The following CSMD3 variants were observed in gnomAD, a reference collection of about 807,000 sequenced individuals.
CSMD3 encodes CUB and sushi domain-containing protein 3.
A neutral mutation model predicts 435.2 loss-of-function variants in CSMD3; 177 were observed. That is an observed-to-expected ratio of 0.41 (90% confidence interval 0.36 to 0.46). CSMD3 has a LOEUF of 0.46. CSMD3 is among the 20% of genes least tolerant of loss of function. The pLI, the probability that CSMD3 is intolerant of heterozygous loss-of-function variation, is 0.34. For synonymous variants in CSMD3, 1,656 were observed against 1,520.5 expected (o/e 1.09, Z -2.07); for missense variants, 4,265 against 4,504.6 (o/e 0.95, Z 1.52).
At chr8:112,917,133 G>T (rs2082597516) in intron 10 of CSMD3, among the ~76,000 whole-genome samples, 1 of 151,840 alleles carries the variant, frequency 6.6e-6, no homozygotes, top group Admixed American at 6.6e-5. Context: ...ATTGATAACT[G>T]TCCTCTTTGG....
At chr8:113,211,412 C>A (rs1243723654) in intron 3 of CSMD3, among the ~76,000 whole-genome samples, 2 of 152,130 alleles carry the variant, frequency 1.3e-5, no homozygotes, top group African/African-American at 4.8e-5. Flanking sequence ...ACCTAATTCA[C>A]AGGGTCTTAG....
chr8:113,380,375 C>G (rs1048138490), intron 1 of CSMD3, among the ~76,000 whole-genome samples: 1 of 152,022 alleles, frequency 6.6e-6, no homozygotes, highest in Admixed American at 6.6e-5. Context: ...CTCCCTATCT[C>G]TGAACGATAT....
At chr8:113,405,112 G>A (rs1317853244) in intron 1 of CSMD3, among the ~76,000 whole-genome samples, 1 of 151,414 alleles carries the variant, frequency 6.6e-6, no homozygotes, top group African/African-American at 2.4e-5. Flanking sequence ...TATGAAGGAG[G>A]CTTTCTTTGT....
intron 28 of CSMD3, among the ~76,000 whole-genome samples, chr8:112,507,260 G>C (rs1218475418): frequency 6.6e-6 from 1 of 152,014 alleles, no homozygotes; most frequent in Non-Finnish European, 1.5e-5. Context: ...GTCTCTCCTG[G>C]CACCTTTATT....
intron 36 of CSMD3, among the ~76,000 whole-genome samples, chr8:112,384,778 T>C (rs759484534): frequency 6.6e-6 from 1 of 152,210 alleles, no homozygotes; most frequent in African/African-American, 2.4e-5. Flanking sequence ...TGTTCTAAGA[T>C]AGGAATAAGA....
intron 38 of CSMD3, among the ~76,000 whole-genome samples, chr8:112,370,023 G>GGAAGAAGAAGAAGAAGAAGAA (rs71309767): frequency 4.8e-3 from 317 of 66,542 alleles, no homozygotes; most frequent in Middle Eastern, 9.4e-3. Flanking sequence ...AAGAAGAAGA[G>GGAAGAAGAAGAAGAAGAAGAA]GAAGAAGAAG....
intron 10 of CSMD3, among the ~76,000 whole-genome samples, chr8:112,907,393 T>C (rs1255396464): frequency 1.3e-5 from 2 of 151,472 alleles, no homozygotes; most frequent in Non-Finnish European, 3.0e-5. Flanking sequence ...GAAAATAACA[T>C]AGAGCTGGAA....
intron 61 of CSMD3, among the ~76,000 whole-genome samples, chr8:112,259,429 G>A (rs1360311093): frequency 6.6e-6 from 1 of 152,080 alleles, no homozygotes; most frequent in East Asian, 1.9e-4. Context: ...ATCACACACT[G>A]GGGCCTGTCA....
At chr8:113,313,347 A>C (rs1563686627) in intron 2 of CSMD3, 1 of 151,604 alleles carries the variant, frequency 6.6e-6, no homozygotes, top group African/African-American at 2.4e-5. Context: ...TTTGAGACGG[A>C]GTCTTGCTCT....
At chr8:112,397,127 T>C (rs556080032) in intron 35 of CSMD3, among the ~76,000 whole-genome samples, 1 of 152,336 alleles carries the variant, frequency 6.6e-6, no homozygotes, top group Non-Finnish European at 1.5e-5. Context: ...GACATGACCA[T>C]TTTTATTCAG....
intron 10 of CSMD3, among the ~76,000 whole-genome samples, chr8:112,903,240 A>T (rs2082158071): frequency 6.8e-6 from 1 of 146,326 alleles, no homozygotes; most frequent in Admixed American, 7.0e-5. Flanking sequence ...TATTTTTGTT[A>T]TTGTTGTTGG....
At chr8:112,283,611 T>C (rs1232380097) in intron 58 of CSMD3, among the ~76,000 whole-genome samples, 3 of 151,544 alleles carry the variant, frequency 2.0e-5, no homozygotes, top group Non-Finnish European at 3.0e-5. Flanking sequence ...TTACATAAAA[T>C]TACAATTAAG....
rs1474145388 is a variant in CSMD3, at chr8:113,355,653, G to T, written c.179-40860C>A. Among the ~76,000 whole-genome samples, 6 of 148,186 alleles carry T rather than the reference G, an allele frequency of 4.0e-5. No individual in the cohort carries two copies. In the East Asian group the frequency reaches 1.2e-3, roughly 30 times the overall value. On this transcript the variant is annotated intron_variant, in intron 1 of 70. Coordinates refer to ENST00000297405, the MANE Select transcript of CSMD3 (RefSeq NM_198123.2). ...AATTTTAGGGGGACACAAACATTCA[G>T]TCCATAGCACAAATATAAATATACA...
chr8:113,218,254 A>G (rs1056878443), intron 3 of CSMD3, among the ~76,000 whole-genome samples: 1 of 150,978 alleles, frequency 6.6e-6, no homozygotes, highest in Non-Finnish European at 1.5e-5. Flanking sequence ...GTAATACTCA[A>G]TGTAAACTCA....
At chr8:113,207,199 T>C (rs901509398) in intron 3 of CSMD3, among the ~76,000 whole-genome samples, 9 of 152,272 alleles carry the variant, frequency 5.9e-5, no homozygotes, top group Admixed American at 5.9e-4. Context: ...GGATGTAAGA[T>C]TTTCCTCCTT....
intron 6 of CSMD3, among the ~76,000 whole-genome samples, chr8:113,013,850 T>C (rs1055514789): frequency 6.6e-6 from 1 of 152,076 alleles, no homozygotes; most frequent in Non-Finnish European, 1.5e-5. Flanking sequence ...AACACTATAT[T>C]CCATAGTATA....
chr8:112,279,515 T>A (rs960990536), intron 59 of CSMD3, among the ~76,000 whole-genome samples: 1 of 152,156 alleles, frequency 6.6e-6, no homozygotes, highest in Non-Finnish European at 1.5e-5. Flanking sequence ...CTTGGTAAAA[T>A]GGAGCCCCTT....
chr8:112,305,594 A>G (rs1821345937), intron 51 of CSMD3, among the ~76,000 whole-genome samples: 1 of 152,162 alleles, frequency 6.6e-6, no homozygotes, highest in Non-Finnish European at 1.5e-5. Context: ...AATATCAACA[A>G]AAGTTTAAAG....
At chr8:112,381,590 C>T (rs1005167051) in intron 37 of CSMD3, among the ~76,000 whole-genome samples, 2 of 152,172 alleles carry the variant, frequency 1.3e-5, no homozygotes, top group African/African-American at 2.4e-5. Flanking sequence ...GTGGACCTCA[C>T]CCCTGATGTC....
Sources: gnomAD v4.1 joint callset for allele counts (sites outside exome capture counted in the v4.1 genomes callset) on GRCh38, gnomAD v4.1.1 for gene constraint, MANE v1.5 for transcripts, NCBI Gene and HGNC (gene_info 2026-07-23, HGNC 2026-07-21) for gene names.